Variants in SCLT1 observed in about 807,000 individuals in gnomAD.
The protein encoded by SCLT1 is sodium channel-associated protein 1.
In SCLT1, 78 loss-of-function variants were observed where a neutral mutation model predicts 112.8. That is an observed-to-expected ratio of 0.69 (90% CI 0.58 to 0.83). SCLT1 has a LOEUF of 0.83. Among genes scored for constraint, SCLT1 ranks in the 40% least tolerant of loss-of-function variants. The pLI, the probability that SCLT1 is intolerant of heterozygous loss-of-function variation, is 0.00. For synonymous variants in SCLT1, 257 were observed against 254.7 expected (o/e 1.01, Z -0.09); for missense variants, 747 against 770.4 (o/e 0.97, Z 0.36).
chr4:128,900,263 T>C (rs1281284987), intron 18 of SCLT1, among the ~76,000 whole-genome samples: 8 of 152,084 alleles, frequency 5.3e-5, no homozygotes, highest in African/African-American at 1.7e-4. Flanking sequence ...ATCATGCTAC[T>C]TGACTTCAAA....
chr4:129,007,903 C>A (rs1041829596), intron 5 of SCLT1, among the ~76,000 whole-genome samples: 5 of 152,066 alleles, frequency 3.3e-5, no homozygotes, highest in Admixed American at 2.0e-4. Context: ...GTGATAGAAT[C>A]TTTTAGTTTA....
chr4:129,049,536 G>A (rs1210830749), intron 2 of SCLT1, among the ~76,000 whole-genome samples: 1 of 148,562 alleles, frequency 6.7e-6, no homozygotes, highest in Non-Finnish European at 1.5e-5. Flanking sequence ...GCTAAATGAC[G>A]AGTTAATGTG....
intron 9 of SCLT1, among the ~76,000 whole-genome samples, chr4:128,986,844 G>A (rs181971096): frequency 7.7e-4 from 117 of 152,256 alleles, no homozygotes; most frequent in African/African-American, 2.7e-3. Context: ...CCCCGGTATT[G>A]TACTGGTCTG....
At chr4:128,956,112 A>G (rs1298431468) in intron 13 of SCLT1, among the ~76,000 whole-genome samples, 2 of 152,204 alleles carry the variant, frequency 1.3e-5, no homozygotes, top group Non-Finnish European at 2.9e-5. Context: ...TCCGTTTGCA[A>G]AACATTTGGA....
chr4:128,890,443 C>T (rs747740104), intron 19 of SCLT1, among the ~76,000 whole-genome samples: 9 of 152,172 alleles, frequency 5.9e-5, no homozygotes, highest in Middle Eastern at 3.4e-3. Flanking sequence ...ATTCATAATG[C>T]CATGATGCTT....
intron 10 of SCLT1, 29 bp downstream of exon 10, chr4:128,970,349 T>C (rs1740583478): frequency 8.6e-7 from 1 of 1,166,624 alleles, no homozygotes; most frequent in African/African-American, 1.5e-5. Context: ...AAGCAATAGG[T>C]ACCCATTTGT....
chr4:129,013,767 T>C (rs1744750624), intron 5 of SCLT1, among the ~76,000 whole-genome samples: 1 of 152,222 alleles, frequency 6.6e-6, no homozygotes, highest in Non-Finnish European at 1.5e-5. Flanking sequence ...CCTTGTAAAA[T>C]CTGATGATTA....
intron 18 of SCLT1, among the ~76,000 whole-genome samples, chr4:128,924,776 C>T (rs1239804640): frequency 6.6e-6 from 1 of 152,090 alleles, no homozygotes; most frequent in Non-Finnish European, 1.5e-5. Flanking sequence ...TGAAACGAAC[C>T]TCAATGATCC....
At chr4:128,984,847 C>T (rs1194519241) in intron 9 of SCLT1, among the ~76,000 whole-genome samples, 2 of 151,802 alleles carry the variant, frequency 1.3e-5, no homozygotes, top group Non-Finnish European at 2.9e-5. Context: ...ATTCCCAATC[C>T]CTTTCTCATT....
intron 13 of SCLT1, among the ~76,000 whole-genome samples, chr4:128,954,350 G>A (rs1318598955): frequency 3.7e-5 from 5 of 134,662 alleles, no homozygotes; most frequent in African/African-American, 1.1e-4. Context: ...ACAGAGTCTC[G>A]CTCTGTTGCC....
At chr4:129,004,930 AAC>A (rs1327372610) in intron 5 of SCLT1, among the ~76,000 whole-genome samples, 10 of 151,686 alleles carry the variant, frequency 6.6e-5, no homozygotes, top group African/African-American at 1.9e-4. Context: ...TTAAATATCT[AAC>A]AGTGTTTTTA....
intron 18 of SCLT1, among the ~76,000 whole-genome samples, chr4:128,896,957 G>A (rs1733817259): frequency 6.6e-6 from 1 of 152,158 alleles, no homozygotes; most frequent in Non-Finnish European, 1.5e-5. Context: ...AATGAAGTGA[G>A]AAGAGAAGTT....
intron 5 of SCLT1, among the ~76,000 whole-genome samples, chr4:129,010,566 T>C (rs1744431378): frequency 6.6e-6 from 1 of 152,194 alleles, no homozygotes. Flanking sequence ...ATTTTTTCAT[T>C]TGTTTGTGTA....
chr4:128,925,994 C>A lies in SCLT1; in HGVS notation c.1829+10661G>T, dbSNP rs551702489. 5.9e-5 allele frequency among the ~76,000 whole-genome samples: 9 copies of A among 151,788 alleles called. No homozygotes were observed. The South Asian group carries it at 1.9e-3, about 32-fold the overall frequency. ...TTTACAATGGCTGGTTTAAAGTTCTCATGTTTTAATAATTTTAATTAATTA... is the reference window on the plus strand; with the variant it reads ...TTTACAATGGCTGGTTTAAAGTTCTAATGTTTTAATAATTTTAATTAATTA... On this transcript the variant is annotated intron_variant, in intron 18 of 20. Coordinates refer to ENST00000281142, the MANE Select transcript of SCLT1 (RefSeq NM_144643.4).
intron 5 of SCLT1, among the ~76,000 whole-genome samples, chr4:129,021,641 A>G (rs1222318374): frequency 2.0e-5 from 3 of 152,214 alleles, no homozygotes; most frequent in Non-Finnish European, 2.9e-5. Context: ...TGGGCAGGAC[A>G]TCTCTGAAAG....
intron 5 of SCLT1, among the ~76,000 whole-genome samples, chr4:129,013,945 A>G (rs1744769171): frequency 6.6e-6 from 1 of 152,148 alleles, no homozygotes; most frequent in South Asian, 2.1e-4. Flanking sequence ...AGGGATGCCT[A>G]TGAGTCATAG....
chr4:129,007,473 G>A (rs529960459), intron 5 of SCLT1, among the ~76,000 whole-genome samples: 2 of 151,934 alleles, frequency 1.3e-5, no homozygotes, highest in African/African-American at 2.4e-5. Flanking sequence ...ATATAATTTC[G>A]TATCATTATG....
intron 18 of SCLT1, 30 bp downstream of exon 18, chr4:128,936,625 A>G (rs749999516): frequency 7.2e-7 from 1 of 1,396,104 alleles, no homozygotes. Flanking sequence ...TCTTCTGTAA[A>G]ACATGTCAAA....
At chr4:129,067,371 GA>G (rs1369341124) in intron 2 of SCLT1, among the ~76,000 whole-genome samples, 2 of 151,194 alleles carry the variant, frequency 1.3e-5, no homozygotes, top group Admixed American at 6.6e-5. Flanking sequence ...ACTGCAATAT[GA>G]ATTAGGTAAA....
Sources: allele counts gnomAD v4.1 joint callset (sites outside exome capture counted in the v4.1 genomes callset), GRCh38; gene constraint gnomAD v4.1.1; transcripts MANE v1.5; gene names NCBI Gene and HGNC (gene_info 2026-07-23, HGNC 2026-07-21).